LNPEP: variants seen among roughly 807,000 people sequenced by gnomAD.
LNPEP encodes leucyl-cystinyl aminopeptidase.
LNPEP carries 64 observed loss-of-function variants against 120.6 expected under a neutral mutation model. That is an observed-to-expected ratio of 0.53 (90% CI 0.43 to 0.65). The LOEUF is 0.65. LNPEP is among the 30% of genes least tolerant of loss of function. The pLI is 0.00. For synonymous variants in LNPEP, 435 were observed against 425.4 expected (o/e 1.02, Z -0.28); for missense variants, 1,057 against 1,200.0 (o/e 0.88, Z 1.76).
intron 1 of LNPEP, among the ~76,000 whole-genome samples, chr5:96,949,675 T>C (rs76996996): frequency 0.015 from 2,236 of 152,320 alleles, 59 homozygotes; most frequent in African/African-American, 0.051. Context: ...TCATTATTCA[T>C]ACAAATAGGT....
intron 1 of LNPEP, among the ~76,000 whole-genome samples, chr5:96,953,454 C>G (rs1789371660): frequency 6.6e-6 from 1 of 152,132 alleles, no homozygotes; most frequent in South Asian, 2.1e-4. Context: ...AATTCTTTTT[C>G]CATTAATAAT....
intron 13 of LNPEP, among the ~76,000 whole-genome samples, chr5:97,018,111 C>A (rs1791108371): frequency 6.6e-6 from 1 of 152,100 alleles, no homozygotes; most frequent in Non-Finnish European, 1.5e-5. Context: ...AGGTCCCAGG[C>A]AGACACAAAA....
At chr5:96,947,290 G>T (rs1284928163) in intron 1 of LNPEP, among the ~76,000 whole-genome samples, 1 of 152,112 alleles carries the variant, frequency 6.6e-6, no homozygotes, top group Non-Finnish European at 1.5e-5. Context: ...TTGTTAATTT[G>T]ATTGGGGGGA....
intron 15 of LNPEP, 36 bp downstream of exon 15, chr5:97,024,718 C>G (rs1450868103): frequency 6.4e-7 from 1 of 1,566,264 alleles, no homozygotes; most frequent in Admixed American, 1.8e-5. Flanking sequence ...ATACAGAAAC[C>G]AAAAGAATAC....
chr5:96,958,932 G>A (rs537718177), intron 1 of LNPEP, among the ~76,000 whole-genome samples: 173 of 148,532 alleles, frequency 1.2e-3, no homozygotes, highest in Non-Finnish European at 2.0e-3. Flanking sequence ...AGGTTCAAGC[G>A]ATTCTCCTGC....
At chr5:97,027,362 AAAC>A (rs1791367979) in intron 16 of LNPEP, among the ~76,000 whole-genome samples, 1 of 152,082 alleles carries the variant, frequency 6.6e-6, no homozygotes, top group Non-Finnish European at 1.5e-5. Flanking sequence ...CAAAAAAAAA[AAAC>A]AAAAAGGAAA....
chr5:96,939,258 G>C (rs1369660590), intron 1 of LNPEP, among the ~76,000 whole-genome samples: 1 of 147,340 alleles, frequency 6.8e-6, no homozygotes, highest in African/African-American at 2.5e-5. Flanking sequence ...CTGTTGCCCA[G>C]GCTGGAGTGC....
rs749802607 is a variant in LNPEP, at chr5:96,985,035, A to T, written c.861-45A>T. On this transcript the variant is annotated intron_variant, in intron 2 of 17. Coordinates refer to ENST00000231368, the MANE Select transcript of LNPEP (RefSeq NM_005575.3). ...GTATACTTGGCAGGGTGCCTTGTAC[A>T]GTAGGTGCTCAGTAACTACTGGATT... 29 of 1,608,150 alleles carry T rather than the reference A, an allele frequency of 1.8e-5. No individual in the cohort carries two copies. In the South Asian group the frequency reaches 1.9e-4, roughly 10 times the overall value.
intron 1 of LNPEP, among the ~76,000 whole-genome samples, chr5:96,944,276 G>T (rs371159216): frequency 8.5e-5 from 13 of 152,136 alleles, no homozygotes; most frequent in African/African-American, 2.7e-4. Flanking sequence ...TCAATGAAAA[G>T]AGTCAAACTG....
Position 96,964,112 on chromosome 5 carries a change from C to CT in LNPEP, c.20-15012dup, listed in dbSNP as rs576740543. On this transcript the variant is annotated intron_variant, in intron 1 of 17. Transcript: ENST00000231368. Reference sequence around the variant, plus strand: ...TCTGCTCTTCTATGATTGATATCAACTTTTTTTTTTTTTTAAGATTCTACA... The same window carrying CT: ...TCTGCTCTTCTATGATTGATATCAACTTTTTTTTTTTTTTTAAGATTCTACA... 4.4e-3 allele frequency among the ~76,000 whole-genome samples: 637 copies of CT among 143,794 alleles called. 4 individuals carry two copies. Among genetic ancestry groups the CT allele is most frequent in the African/African-American group, 0.012 (462 of 39,332 alleles). 94.3% of individuals were successfully genotyped at this position (143,794 alleles called of 152,430 possible).
At chr5:96,987,208 C>G (rs1047327078) in intron 4 of LNPEP, among the ~76,000 whole-genome samples, 12 of 151,938 alleles carry the variant, frequency 7.9e-5, no homozygotes, top group African/African-American at 2.7e-4. Context: ...CTGTATTTTG[C>G]CAAAATTAGA....
chr5:96,977,484 G>T (rs1790024639), intron 1 of LNPEP, among the ~76,000 whole-genome samples: 1 of 152,064 alleles, frequency 6.6e-6, no homozygotes, highest in South Asian at 2.1e-4. Context: ...TCTGACCATG[G>T]AAGATGCTTA....
chr5:96,979,902 G>T lies in LNPEP; in HGVS notation c.784G>T (p.Glu262Ter). 6.2e-7 allele frequency: 1 copy of T among 1,613,800 alleles called. No homozygotes were observed. The highest frequency in any genetic ancestry group is 1.1e-5 in the South Asian group (1 of 91,078). ...AGGGCACAATTATACGTTGAAGATA[G>T]AGTACTCGGCAAATATATCTAGTTC... ...LAGHNYTLKIEYSANISSSYY... is the reference protein window; with the variant it reads ...LAGHNYTLKI Residue 262 changes from glutamate (E) to a stop codon, truncating the protein, a stop_gained, in exon 2 of 18, where the codon GAG (glutamate) becomes TAG (stop). Coordinates refer to ENST00000231368, the MANE Select transcript of LNPEP (RefSeq NM_005575.3). LOFTEE classifies it high-confidence loss of function.
intron 1 of LNPEP, among the ~76,000 whole-genome samples, chr5:96,948,211 G>T (rs1032249327): frequency 7.9e-5 from 12 of 151,172 alleles, no homozygotes; most frequent in Non-Finnish European, 1.8e-4. Context: ...TCTACCTCCC[G>T]GGTTCCAGTG....
intron 8 of LNPEP, among the ~76,000 whole-genome samples, chr5:96,999,006 C>T (rs1790581839): frequency 6.6e-6 from 1 of 152,008 alleles, no homozygotes; most frequent in African/African-American, 2.4e-5. Context: ...GATGTTTTTT[C>T]AGAGAGTCAG....
intron 4 of LNPEP, among the ~76,000 whole-genome samples, chr5:96,988,124 C>T (rs924300118): frequency 6.6e-6 from 1 of 151,042 alleles, no homozygotes; most frequent in Non-Finnish European, 1.5e-5. Context: ...GCATTTTCCC[C>T]CCTTCTTTTC....
Position 96,979,398 on chromosome 5 carries a change from G to A in LNPEP, c.280G>A (p.Gly94Ser), listed in dbSNP as rs760219188. The A allele has an allele frequency of 1.2e-6, 2 of 1,613,954 alleles. No homozygotes were observed. The highest frequency in any genetic ancestry group is 2.7e-5 in the African/African-American group (2 of 74,906). Residue 94 changes from glycine (G) to serine (S), a missense_variant, in exon 2 of 18, where the codon GGT (glycine) becomes AGT (serine). Gly to Ser is a moderately conservative substitution (Grantham distance 56, BLOSUM62 0). Coordinates refer to ENST00000231368, the MANE Select transcript of LNPEP (RefSeq NM_005575.3). Reference sequence around the variant, plus strand: ...CTCAGGCCTTCGGAACAGTGCAACTGGTTACAGGCAGAGCCCAGATGGGGC... The same window carrying A: ...CTCAGGCCTTCGGAACAGTGCAACTAGTTACAGGCAGAGCCCAGATGGGGC... ...RSSGLRNSAT[G>S]YRQSPDGACS...
intron 8 of LNPEP, among the ~76,000 whole-genome samples, chr5:97,001,552 G>A (rs530553251): frequency 3.9e-5 from 6 of 152,236 alleles, no homozygotes; most frequent in Middle Eastern, 3.4e-3. Flanking sequence ...ATAAATCAGG[G>A]GATCATTTGG....
chr5:96,996,360 C>A (rs748469530), intron 6 of LNPEP, 30 bp from the exon 7 acceptor site: 4 of 1,217,432 alleles, frequency 3.3e-6, no homozygotes, highest in Non-Finnish European at 4.8e-6. Flanking sequence ...TGTAAATATC[C>A]TGTGGGTTAA....
Sources: gnomAD v4.1 joint callset for allele counts (sites outside exome capture counted in the v4.1 genomes callset) on GRCh38, gnomAD v4.1.1 for gene constraint, MANE v1.5 for transcripts, NCBI Gene and HGNC (gene_info 2026-07-23, HGNC 2026-07-21) for gene names.